REXO5: variants seen among roughly 807,000 people sequenced by gnomAD.
The protein encoded by REXO5 is exonuclease NEF-sp.
REXO5 carries 48 observed loss-of-function variants against 88.5 expected under a neutral mutation model. That is an observed-to-expected ratio of 0.54 (90% CI 0.43 to 0.69). REXO5 has a LOEUF of 0.69. REXO5 is among the 30% of genes least tolerant of loss of function. REXO5 has a pLI of 0.00. For synonymous variants in REXO5, 311 were observed against 336.5 expected, an observed-to-expected ratio of 0.92 and a Z score of 0.83; for missense variants, 749 against 912.2, an observed-to-expected ratio of 0.82 and a Z score of 2.30.
rs573916184 is a variant in REXO5 at position 20,828,178 on chromosome 16, C to T, written c.1056-257C>T. Among the ~76,000 whole-genome samples the T allele has an allele frequency of 4.6e-5, 7 of 152,248 alleles. No individual in the cohort carries two copies. The South Asian group carries it at 1.5e-3, about 32-fold the overall frequency. On this transcript the variant is annotated intron_variant, in intron 10 of 19. Transcript: ENST00000261377. ...GAGAAGGGCCTGGCCAGGGAGTCAG[C>T]CAGAAACTTTTTGTTGGGTAGCCTT...
Position 20,825,856 on chromosome 16 carries a change from G to A in REXO5, c.729G>A (p.Glu243=). 6.2e-7 allele frequency: 1 copy of A among 1,613,860 alleles called. No individual in the cohort carries two copies. The highest frequency in any genetic ancestry group is 8.5e-7 in the Non-Finnish European group (1 of 1,179,810). The change falls in exon 8 of 20, where the codon GAG becomes GAA. Residue 243 remains glutamate (E), a synonymous_variant. Coordinates refer to ENST00000261377, the MANE Select transcript of REXO5 (RefSeq NM_030941.3). The part of the protein sequence containing the change: ...CEMCLTSKGR[E]LTRISLVAEG... ...AGTGCCTCACATCCAAGGGGAGAGA[G>A]CTAACACGCATCTCACTGGTTGCTG...
chr16:20,815,135 T>G, intron 4 of REXO5, 82 bp downstream of exon 4: 1 of 1,441,098 alleles, frequency 6.9e-7, no homozygotes, highest in Non-Finnish European at 9.3e-7. Flanking sequence ...ACCATGCTCC[T>G]TGGCAACCTA....
chr16:20,807,750 AC>A (rs933984866), intron 2 of REXO5, among the ~76,000 whole-genome samples: 7 of 149,592 alleles, frequency 4.7e-5, no homozygotes, highest in African/African-American at 1.5e-4. Flanking sequence ...AAAAAAAAAA[AC>A]AAAAAACAAA....
intron 16 of REXO5, 29 bp from the exon 17 acceptor site, chr16:20,844,600 T>C (rs1283552808): frequency 6.2e-7 from 1 of 1,602,704 alleles, no homozygotes; most frequent in South Asian, 1.1e-5. Flanking sequence ...ATTGATTTTC[T>C]ACCACTAACA....
Position 20,809,119 on chromosome 16 carries a change from T to C in REXO5, c.138+2028T>C, listed in dbSNP as rs564801692. ...TGTTTATGTGGTTAGTGTAAGGAGA[T>C]TGACAATCACATATTTTGTTATGTT... On this transcript the variant is annotated intron_variant, in intron 2 of 19. Transcript: ENST00000261377. Among the ~76,000 whole-genome samples, 33 of 152,240 alleles carry C rather than the reference T, an allele frequency of 2.2e-4. No individual in the cohort carries two copies. In the South Asian group the frequency reaches 4.1e-3, roughly 19 times the overall value.
rs1404347599 is a variant in REXO5, at chr16:20,849,463, C to T, written c.2308C>T (p.Pro770Ser). Residue 770 changes from proline to serine, a missense_variant, in exon 20 of 20, where the codon CCA becomes TCA. Coordinates refer to ENST00000261377, the MANE Select transcript of REXO5 (RefSeq NM_030941.3). ...AAAAGAGGAAGAAGAAAGCGCTGGC[C>T]CAGGCCTGTGTTCGTGAGTCGGCCT... is the stretch of plus-strand genomic sequence containing the variant. ...GIKEEEESAG[P>S]GLCS 2 of 1,613,884 alleles carry T rather than the reference C, an allele frequency of 1.2e-6. No individual in the cohort carries two copies. The highest frequency in any genetic ancestry group is 2.2e-5 in the East Asian group (1 of 44,890).
intron 5 of REXO5, 83 bp downstream of exon 5, chr16:20,816,295 T>C (rs2081080153): frequency 8.5e-7 from 1 of 1,170,676 alleles, no homozygotes; most frequent in Non-Finnish European, 1.2e-6. Flanking sequence ...ACAACAAAAC[T>C]CAATTCTAAC....
At chr16:20,845,290 A>G in intron 18 of REXO5, 49 bp downstream of exon 18, 2 of 1,502,294 alleles carry the variant, frequency 1.3e-6, no homozygotes, top group Non-Finnish European at 1.8e-6. Context: ...AGTCCTGCTC[A>G]GTGACACTTA....
chr16:20,848,319 T>A (rs2081642308), intron 19 of REXO5, among the ~76,000 whole-genome samples: 1 of 152,208 alleles, frequency 6.6e-6, no homozygotes, highest in Non-Finnish European at 1.5e-5. Flanking sequence ...ATCCTTACAT[T>A]TTTGGTAGCT....
At chr16:20,819,280 A>G (rs2081129287) in intron 5 of REXO5, among the ~76,000 whole-genome samples, 1 of 152,014 alleles carries the variant, frequency 6.6e-6, no homozygotes, top group South Asian at 2.1e-4. Context: ...TGCTGGCTCA[A>G]ATGGTATTTC....
At chr16:20,821,421 G>C (rs1596580225) in intron 5 of REXO5, among the ~76,000 whole-genome samples, 1 of 152,054 alleles carries the variant, frequency 6.6e-6, no homozygotes, top group East Asian at 1.9e-4. Flanking sequence ...CAAGTAGCTG[G>C]GACTACAGGC....
At chr16:20,825,201 G>A (rs1027098587) in intron 7 of REXO5, among the ~76,000 whole-genome samples, 4 of 152,050 alleles carry the variant, frequency 2.6e-5, no homozygotes, top group African/African-American at 4.8e-5. Flanking sequence ...AGTTCCCCTC[G>A]TGCTTTGCTT....
At chr16:20,806,521 G>T, upstream of REXO5, 2 of 1,537,248 alleles carry the variant, frequency 1.3e-6, no homozygotes, top group Non-Finnish European at 1.7e-6. Flanking sequence ...AGGCTGAGGG[G>T]CGGTTGTTGT....
chr16:20,838,161 T>A (rs1334364276), intron 13 of REXO5, among the ~76,000 whole-genome samples: 1 of 152,162 alleles, frequency 6.6e-6, no homozygotes, highest in Non-Finnish European at 1.5e-5. Flanking sequence ...TTCAAGAGCA[T>A]CTCTTTTATT....
At chr16:20,809,970 A>G (rs957434397) in intron 2 of REXO5, among the ~76,000 whole-genome samples, 2 of 152,194 alleles carry the variant, frequency 1.3e-5, no homozygotes, top group Admixed American at 6.5e-5. Flanking sequence ...ACTATCTTTT[A>G]CTGGATTGTG....
intron 2 of REXO5, among the ~76,000 whole-genome samples, chr16:20,811,945 C>T (rs2081005419): frequency 6.6e-6 from 1 of 152,080 alleles, no homozygotes; most frequent in African/African-American, 2.4e-5. Context: ...AAGGCTATGG[C>T]ACTGGTCCAA....
Position 20,806,965 on chromosome 16 carries a change from G to A in REXO5, c.12G>A (p.Glu4=). Residue 4 remains glutamate (E), a synonymous_variant, in exon 2 of 20, where the codon GAG becomes GAA. Coordinates refer to ENST00000261377, the MANE Select transcript of REXO5 (RefSeq NM_030941.3). ...CTTTCTCCACAGCCATGGAGCCAGA[G>A]AGGGAAGGGACCGAGAGACACCCCA... MEP[E]REGTERHPRK... 2.5e-6 allele frequency: 4 copies of A among 1,593,300 alleles called. No individual in the cohort carries two copies. The highest frequency in any genetic ancestry group is 3.4e-6 in the Non-Finnish European group (4 of 1,169,484).
At position 20,844,660 on chromosome 16, in the gene REXO5, A is replaced by C. The variant is rs1392691466; in HGVS notation, c.1751A>C (p.Asp584Ala). 1 of 1,614,172 alleles carries C rather than the reference A, an allele frequency of 6.2e-7. No individual in the cohort carries two copies. The highest frequency in any genetic ancestry group is 8.5e-7 in the Non-Finnish European group (1 of 1,180,024). ...VQRPVTELTL[D>A]CDTLVNELEG... ...AGGCCTGTGACAGAGCTCACGCTTG[A>C]TTGTGACACCCTCGTGAATGAGCTG... Residue 584 changes from aspartate to alanine, a missense_variant, in exon 17 of 20, where the codon GAT becomes GCT. Transcript: ENST00000261377.
chr16:20,819,569 A>AC (rs1204946175), intron 5 of REXO5, among the ~76,000 whole-genome samples: 1 of 150,548 alleles, frequency 6.6e-6, no homozygotes, highest in Non-Finnish European at 1.5e-5. Context: ...CAGCCTGACC[A>AC]ACATGGAGAA....
Sources: gnomAD v4.1 joint callset for allele counts (sites outside exome capture counted in the v4.1 genomes callset) on GRCh38, gnomAD v4.1.1 for gene constraint, MANE v1.5 for transcripts, NCBI Gene and HGNC (gene_info 2026-07-23, HGNC 2026-07-21) for gene names.